The following TCTN1 variants were observed in gnomAD, a reference collection of about 807,000 sequenced individuals.
TCTN1 encodes tectonic family member 1.
Under a neutral mutation model 65.8 loss-of-function variants are expected in TCTN1, and 58 were observed. That is an observed-to-expected ratio of 0.88 (90% CI 0.71 to 1.10). The LOEUF is 1.10. TCTN1 is among the 50% of genes least tolerant of loss of function. The pLI is 0.00. For missense variants in TCTN1, 645 were observed against 719.4 expected (o/e 0.90, Z 1.18); for synonymous variants, 273 against 289.1 (o/e 0.94, Z 0.57).
chr12:110,640,342 TG>T lies in TCTN1; in HGVS notation c.844-38del, dbSNP rs765002503. On this transcript the variant is annotated intron_variant, in intron 7 of 14. Coordinates refer to ENST00000397659, the MANE Select transcript of TCTN1 (RefSeq NM_001082538.3). This position sits in a 1 kb window ranked among gnomAD's most constrained non-coding sequence, Gnocchi z 4.9. ...GTTGGTTATTTTAGCCCATCCTCCC[TG>T]GGTAGAGCATCTTCAACACTCCAGG... is the stretch of plus-strand genomic sequence containing the variant. The T allele has an allele frequency of 2.5e-6, 4 of 1,613,856 alleles. No homozygotes were observed. In the African/African-American group the frequency reaches 5.3e-5, roughly 22 times the overall value.
chr12:110,645,430 G>C, intron 12 of TCTN1: 2 of 408,976 alleles, frequency 4.9e-6, no homozygotes, highest in South Asian at 4.3e-5. Context: ...TGGGCATGGT[G>C]CCTAGTGGTC....
intron 3 of TCTN1, chr12:110,628,168 G>A (rs531604830): frequency 1.1e-4 from 163 of 1,535,922 alleles, no homozygotes; most frequent in Non-Finnish European, 1.3e-4. Context: ...AAACTCATCA[G>A]TCCAGGGGCT....
chr12:110,627,572 G>A (rs900252600), intron 3 of TCTN1, among the ~76,000 whole-genome samples: 2 of 152,126 alleles, frequency 1.3e-5, no homozygotes, highest in African/African-American at 2.4e-5. Flanking sequence ...TCTTAAAAGT[G>A]TTTATAATAT....
intron 4 of TCTN1, among the ~76,000 whole-genome samples, chr12:110,630,924 G>A (rs1023683173): frequency 6.6e-6 from 1 of 152,184 alleles, no homozygotes; most frequent in Non-Finnish European, 1.5e-5. Flanking sequence ...TTAGGCACAG[G>A]AAAGCAACTT....
At chr12:110,617,775 G>T (rs1435454564) in intron 1 of TCTN1, among the ~76,000 whole-genome samples, 2 of 150,862 alleles carry the variant, frequency 1.3e-5, no homozygotes, top group Non-Finnish European at 2.9e-5. Context: ...TGAGTAGCTG[G>T]GACTACGGGT....
chr12:110,645,417 C>T (rs1459908675), intron 12 of TCTN1: 1 of 432,726 alleles, frequency 2.3e-6, no homozygotes, highest in African/African-American at 2.0e-5. Context: ...ATTTATGTGG[C>T]CCTGGGCATG....
chr12:110,648,012 C>G lies in TCTN1; in HGVS notation c.*1+119C>G, dbSNP rs1021110960. On this transcript the variant is annotated intron_variant, in intron 14 of 14. Transcript: ENST00000397659. ...ACTTTTTGAGGGTCTCGCTTTGTTG[C>G]CCAGGCTGGAGTGCAGTGGTGTGAT... 3.2e-5 allele frequency: 48 copies of G among 1,481,056 alleles called. 1 individual carries two copies. In the African/African-American group the frequency reaches 6.1e-4, roughly 19 times the overall value. 91.7% of individuals were successfully genotyped at this position (1,481,056 alleles called of 1,614,324 possible).
intron 7 of TCTN1, among the ~76,000 whole-genome samples, chr12:110,637,247 TG>T (rs2066635453): frequency 6.6e-6 from 1 of 152,194 alleles, no homozygotes; most frequent in African/African-American, 2.4e-5. Context: ...TAAGCGTCCG[TG>T]CAGAGGCATG....
chr12:110,646,623 G>A (rs1406380111), intron 12 of TCTN1: 2 of 157,060 alleles, frequency 1.3e-5, no homozygotes, highest in African/African-American at 2.4e-5. Context: ...CAGCTCCTTC[G>A]TGGCACCAGC....
intron 2 of TCTN1, among the ~76,000 whole-genome samples, chr12:110,621,048 G>A (rs766381315): frequency 2.0e-4 from 31 of 152,122 alleles, no homozygotes; most frequent in Non-Finnish European, 3.2e-4. Flanking sequence ...CAGGTGATCC[G>A]CCCTCCTTGG....
At chr12:110,645,321 C>A in intron 12 of TCTN1, 192 bp downstream of exon 12, 2 of 665,298 alleles carry the variant, frequency 3.0e-6, no homozygotes, top group Non-Finnish European at 5.2e-6. Context: ...TGGCTTTGAG[C>A]CTCTGTTTTC....
chr12:110,638,187 C>T (rs2136104896), intron 7 of TCTN1, among the ~76,000 whole-genome samples: 1 of 152,210 alleles, frequency 6.6e-6, no homozygotes, highest in Admixed American at 6.5e-5. Flanking sequence ...ACTTTACCAC[C>T]ATACTGGGCC....
chr12:110,615,155 G>A (rs1014145051), intron 1 of TCTN1, among the ~76,000 whole-genome samples: 2 of 151,984 alleles, frequency 1.3e-5, no homozygotes, highest in African/African-American at 4.8e-5. Context: ...GCCGGGCATG[G>A]TGTAATCCTA....
chr12:110,627,070 C>CCCTAT lies in TCTN1; in HGVS notation c.472+579_472+583dup, dbSNP rs541674221. Among the ~76,000 whole-genome samples the CCCTAT allele has an allele frequency of 5.1e-3, 776 of 150,834 alleles. 3 individuals are homozygous for CCCTAT. The highest frequency in any genetic ancestry group is 8.7e-3 in the Non-Finnish European group (591 of 67,682). ...TACAGGTGTGAGCCACTGTGCCCAG[C>CCCTAT]CCTATTATTACTATTTTTTCTTTCT... On this transcript the variant is annotated intron_variant, in intron 3 of 14. Transcript: ENST00000397659.
Position 110,640,487 on chromosome 12 carries a change from CT to C in TCTN1, c.951del (p.Phe317LeufsTer5). On this transcript the variant is annotated frameshift_variant, in exon 8 of 15. Transcript: ENST00000397659. LOFTEE classifies it high-confidence loss of function. This position sits in a 1 kb window ranked among gnomAD's most constrained non-coding sequence, Gnocchi z 4.9. ...AGCCGACTCTCGTCAACGCTGGACA[CT>C]TTAGCCTTTGCGTGAATGTTGTTCT... ...LQPTLVNAGH[F>X]SLCVNVVLEV... The C allele has an allele frequency of 6.2e-7, 1 of 1,614,254 alleles. No homozygotes were observed. Among genetic ancestry groups the C allele is most frequent in the Non-Finnish European group, 8.5e-7 (1 of 1,180,060 alleles).
chr12:110,626,938 A>G (rs750077823), intron 3 of TCTN1, among the ~76,000 whole-genome samples: 1 of 149,736 alleles, frequency 6.7e-6, no homozygotes, highest in Non-Finnish European at 1.5e-5. Flanking sequence ...ATGCCTGGCC[A>G]GTTTTGTATT....
intron 4 of TCTN1, 34 bp downstream of exon 4, chr12:110,628,952 A>G (rs976600010): frequency 3.1e-6 from 5 of 1,611,034 alleles, no homozygotes; most frequent in Non-Finnish European, 4.2e-6. Context: ...TTTTCATCCC[A>G]TCACAAATAT....
chr12:110,636,047 G>A (rs936101722), intron 6 of TCTN1: 12 of 198,350 alleles, frequency 6.0e-5, no homozygotes, highest in Non-Finnish European at 1.3e-4. Flanking sequence ...GAGGAGGCTT[G>A]GGCCAGAGGC....
Position 110,649,429 on chromosome 12 carries a change from A to C in TCTN1, c.*388A>C. The C allele has an allele frequency of 6.2e-7, 1 of 1,609,316 alleles. No homozygotes were observed. Among genetic ancestry groups the C allele is most frequent in the Non-Finnish European group, 8.5e-7 (1 of 1,177,000 alleles). On this transcript the variant is annotated 3_prime_UTR_variant, in exon 15 of 15. Transcript: ENST00000397659. ...CCGGGTCTAGTTCACTTCACCAAGAAGTCCATGCTGTCGCAATAGTTTGTT... is the reference window on the plus strand; with the variant it reads ...CCGGGTCTAGTTCACTTCACCAAGACGTCCATGCTGTCGCAATAGTTTGTT...
Sources: allele counts gnomAD v4.1 joint callset (sites outside exome capture counted in the v4.1 genomes callset), GRCh38; gene constraint gnomAD v4.1.1; non-coding constraint Gnocchi (gnomAD v3.1); transcripts MANE v1.5; gene names NCBI Gene and HGNC (gene_info 2026-07-23, HGNC 2026-07-21).